The following RGP1 variants were observed in gnomAD, a reference collection of about 807,000 sequenced individuals.
RGP1 encodes RGP1 partner of RAB6A GEF complex.
Under a neutral mutation model 44.5 loss-of-function variants are expected in RGP1, and 28 were observed. The observed-to-expected ratio is 0.63, with a 90% CI of 0.47 to 0.86. The LOEUF (loss-of-function observed/expected upper bound fraction) is 0.86, where lower values mean the gene tolerates loss of function less well. Among genes scored for constraint, RGP1 ranks in the 40% least tolerant of loss-of-function variants. The pLI, the probability that RGP1 is intolerant of heterozygous loss-of-function variation, is 0.00. For missense variants in RGP1, 417 were observed against 490.7 expected (o/e 0.85, Z 1.42); for synonymous variants, 212 against 196.7 (o/e 1.08, Z -0.65).
chr9:35,785,325 G>T, the RGP1 span, among the ~76,000 whole-genome samples: 3 of 151,938 alleles, frequency 2.0e-5, no homozygotes, highest in African/African-American at 7.3e-5. Flanking sequence ...CTGCGCAGAG[G>T]TTCCCTGAAG....
Position 35,751,751 on chromosome 9 carries a change from G to C in RGP1, c.759G>C (p.Leu253Phe). Reference sequence around the variant, plus strand: ...TAGGGGAAGGAACCGTAGCTTGTTTGCAGGTAAGAAGGGAGCAGAGCTTCT... The same window carrying C: ...TAGGGGAAGGAACCGTAGCTTGTTTCCAGGTAAGAAGGGAGCAGAGCTTCT... ...LNLGEGTVAC[L>F]QFSVSLQTEE... The change falls in exon 7 of 9, where the codon TTG (leucine) becomes TTC (phenylalanine). Residue 253 changes from leucine to phenylalanine, a missense_variant. Transcript: ENST00000378078. 2 of 1,613,956 alleles carry C rather than the reference G, an allele frequency of 1.2e-6. No individual in the cohort carries two copies. The highest frequency in any genetic ancestry group is 1.7e-6 in the Non-Finnish European group (2 of 1,179,880).
At chr9:35,783,088 C>T in the RGP1 span, among the ~76,000 whole-genome samples, 6 of 151,940 alleles carry the variant, frequency 3.9e-5, no homozygotes, top group Non-Finnish European at 7.4e-5. Context: ...GGATTACAGG[C>T]GTGAGCCACT....
rs1182984001 is a variant in RGP1, at chr9:35,749,512, G to C, written c.-20+104G>C. ...CGGGGGTGCCCAGGGAGAAGAACCC[G>C]TCGCACAGGGGCTGGGGTCTAGGGC... On this transcript the variant is annotated intron_variant, in intron 1 of 8. Coordinates refer to ENST00000378078, the MANE Select transcript of RGP1 (RefSeq NM_001080496.3). This position sits in a 1 kb window ranked among gnomAD's most constrained non-coding sequence, Gnocchi z 4.4. 6.0e-6 allele frequency: 4 copies of C among 671,782 alleles called. No homozygotes were observed. The African/African-American group carries it at 7.1e-5, about 12-fold the overall frequency. The allele number at this position is 671,782 out of a possible 1,614,324, so 41.6% of individuals were successfully genotyped here.
In RGP1 at chr9:35,749,773, A is replaced by G. The variant is rs774510342; in HGVS notation, c.18A>G (p.Ala6=). MIEVV[A]ELSRGPVFLA... is the part of the protein sequence containing the mutation. ...GAGCTGCCATGATTGAAGTGGTAGC[A>G]GAGCTCAGCCGGGGTCCTGTATTTT... The change falls in exon 2 of 9, where the codon GCA becomes GCG. Residue 6 remains alanine (A), a synonymous_variant. Transcript: ENST00000378078. This position sits in a 1 kb window ranked among gnomAD's most constrained non-coding sequence, Gnocchi z 4.4. 5.6e-6 allele frequency: 9 copies of G among 1,613,478 alleles called. No homozygotes were observed. The Admixed American group carries it at 1.0e-4, about 18-fold the overall frequency.
chr9:35,763,881 CAAAA>C, the RGP1 span, among the ~76,000 whole-genome samples: 8,797 of 81,856 alleles, frequency 0.11, 446 homozygotes, highest in East Asian at 0.41. Flanking sequence ...GACTCCATCT[CAAAA>C]AAAAAAAAAA....
intron 6 of RGP1, 44 bp downstream of exon 6, chr9:35,751,456 T>A (rs771122213): frequency 6.2e-7 from 1 of 1,611,680 alleles, no homozygotes; most frequent in African/African-American, 1.3e-5. Context: ...CTTCCCCTCA[T>A]TGTTTTCCCA....
At chr9:35,767,667 G>A in the RGP1 span, among the ~76,000 whole-genome samples, 4 of 152,048 alleles carry the variant, frequency 2.6e-5, no homozygotes, top group African/African-American at 7.2e-5. Context: ...CAGCAAATAC[G>A]TTATTCATGG....
At chr9:35,774,888 T>TG in the RGP1 span, among the ~76,000 whole-genome samples, 3,940 of 151,662 alleles carry the variant, frequency 0.026, 170 homozygotes, top group African/African-American at 0.088. Flanking sequence ...CAAATTTTGG[T>TG]GGGGGGGGCT....
chr9:35,788,903 C>A, the RGP1 span, among the ~76,000 whole-genome samples: 4 of 152,142 alleles, frequency 2.6e-5, no homozygotes, highest in Non-Finnish European at 5.9e-5. Flanking sequence ...ACACCAAAAG[C>A]CTTTCACTGT....
At chr9:35,787,975 G>T in the RGP1 span, among the ~76,000 whole-genome samples, 1 of 152,202 alleles carries the variant, frequency 6.6e-6, no homozygotes, top group Non-Finnish European at 1.5e-5. Context: ...AATTCTGTAG[G>T]CCTGGGAGGC....
chr9:35,759,439 G>A (rs1442949154), downstream of RGP1, among the ~76,000 whole-genome samples: 1 of 151,634 alleles, frequency 6.6e-6, no homozygotes, highest in Non-Finnish European at 1.5e-5. Flanking sequence ...GCGCGTTCCT[G>A]TAATCCCAGC....
chr9:35,770,118 GT>G, the RGP1 span, among the ~76,000 whole-genome samples: 1 of 152,154 alleles, frequency 6.6e-6, no homozygotes, highest in Non-Finnish European at 1.5e-5. Context: ...GATGATGGTG[GT>G]TTGAACTGCA....
At chr9:35,788,637 G>A in the RGP1 span, among the ~76,000 whole-genome samples, 1 of 151,978 alleles carries the variant, frequency 6.6e-6, no homozygotes, top group Admixed American at 6.6e-5. Flanking sequence ...ATTATAGCTG[G>A]TATCTGTTTG....
At chr9:35,767,695 C>A in the RGP1 span, among the ~76,000 whole-genome samples, 1 of 152,270 alleles carries the variant, frequency 6.6e-6, no homozygotes, top group East Asian at 1.9e-4. Context: ...CCTTTATCAT[C>A]TATCCATAGC....
chr9:35,769,120 G>A, the RGP1 span, among the ~76,000 whole-genome samples: 1 of 152,252 alleles, frequency 6.6e-6, no homozygotes, highest in Non-Finnish European at 1.5e-5. Flanking sequence ...TGAGCAGGGG[G>A]CTAGGTGCAC....
Position 35,751,586 on chromosome 9 carries a change from A to G in RGP1, c.635-41A>G, listed in dbSNP as rs1284776973. 4 of 1,613,244 alleles carry G rather than the reference A, an allele frequency of 2.5e-6. No homozygotes were observed. In the Admixed American group the frequency reaches 5.0e-5, roughly 20 times the overall value. ...TGGTGCCCAGTCCTAGACGTTATCC[A>G]GTATGTAGACTCCAGGCTTATAGTG... On this transcript the variant is annotated intron_variant, in intron 6 of 8. Transcript: ENST00000378078.
chr9:35,758,851 CCTTTAA>C, downstream of RGP1, among the ~76,000 whole-genome samples: 1 of 152,226 alleles, frequency 6.6e-6, no homozygotes, highest in South Asian at 2.1e-4. Context: ...CTCTTTTCCA[CCTTTAA>C]CACTCTTATG....
the RGP1 span, among the ~76,000 whole-genome samples, chr9:35,769,562 G>A: frequency 2.6e-5 from 4 of 152,132 alleles, no homozygotes; most frequent in African/African-American, 9.7e-5. Context: ...CACATATTTG[G>A]GAGAACATAG....
At position 35,753,745 on chromosome 9, in the gene RGP1, A is replaced by G. The variant is rs1428312184; in HGVS notation, c.*871A>G. The stretch of plus-strand genomic sequence containing the variant: ...AGCCAAGACTCACCCAGGGTAAAAT[A>G]TTTCCCCTCATAGTGACAGGGGGCT... On this transcript the variant is annotated 3_prime_UTR_variant, in exon 9 of 9. Transcript: ENST00000378078. This position sits in a 1 kb window ranked among gnomAD's most constrained non-coding sequence, Gnocchi z 4.2. 6.2e-7 allele frequency: 1 copy of G among 1,613,850 alleles called. No individual in the cohort carries two copies. The highest frequency in any genetic ancestry group is 8.5e-7 in the Non-Finnish European group (1 of 1,179,962).
Sources: allele counts gnomAD v4.1 joint callset (sites outside exome capture counted in the v4.1 genomes callset), GRCh38; gene constraint gnomAD v4.1.1; non-coding constraint Gnocchi (gnomAD v3.1); transcripts MANE v1.5; gene names NCBI Gene and HGNC (gene_info 2026-07-23, HGNC 2026-07-21).